Variants in CCDC148 observed in about 807,000 individuals in gnomAD.
The protein encoded by CCDC148 is coiled-coil domain containing 148.
In CCDC148, 89 loss-of-function variants were observed where a neutral mutation model predicts 85.7. The observed-to-expected ratio is 1.04, with a 90% CI of 0.87 to 1.24. CCDC148 has a LOEUF of 1.24. CCDC148 is among the 50% of genes most tolerant of loss of function. CCDC148 has a pLI of 0.00. For missense variants in CCDC148, 692 were observed against 671.7 expected (o/e 1.03, Z -0.33); for synonymous variants, 230 against 213.9 (o/e 1.08, Z -0.66).
At position 158,370,967 on chromosome 2, in the gene CCDC148, G is replaced by A. The variant is rs373965620; in HGVS notation, c.26-12397C>T. ...AATATTTAACACTGGCAATTTCTGG[G>A]TAGTAGGATTATACTTAATTTTGAT... On this transcript the variant is annotated intron_variant, in intron 1 of 13. Transcript: ENST00000283233. Among the ~76,000 whole-genome samples the A allele has an allele frequency of 1.5e-4, 22 of 151,584 alleles. 2 individuals are homozygous for A. The South Asian group carries it at 1.5e-3, about 10-fold the overall frequency.
intron 10 of CCDC148, among the ~76,000 whole-genome samples, chr2:158,242,705 C>T (rs1209040675): frequency 6.7e-6 from 1 of 149,680 alleles, no homozygotes; most frequent in African/African-American, 2.5e-5. Context: ...CCTCTTAGAT[C>T]AACTCCAATA....
chr2:158,339,953 T>G (rs1682590960), intron 5 of CCDC148, among the ~76,000 whole-genome samples: 1 of 152,152 alleles, frequency 6.6e-6, no homozygotes, highest in African/African-American at 2.4e-5. Context: ...CCCCCTGTGC[T>G]GGGGTAAGAT....
At chr2:158,384,473 A>T (rs973013371) in intron 1 of CCDC148, among the ~76,000 whole-genome samples, 1 of 151,944 alleles carries the variant, frequency 6.6e-6, no homozygotes. Context: ...TTCTCATGAG[A>T]TCTGTTTGTT....
At chr2:158,306,333 TAACACAGTGA>T (rs1461426853) in intron 9 of CCDC148, among the ~76,000 whole-genome samples, 1 of 151,944 alleles carries the variant, frequency 6.6e-6, no homozygotes, top group African/African-American at 2.4e-5. Context: ...CCATCCTGAT[TAACACAGTGA>T]AACCCCATCT....
At chr2:158,335,846 G>A (rs932608475) in intron 7 of CCDC148, among the ~76,000 whole-genome samples, 8 of 152,038 alleles carry the variant, frequency 5.3e-5, no homozygotes, top group Non-Finnish European at 1.0e-4. Flanking sequence ...GGAAAATGAG[G>A]TTGCACTGAC....
At chr2:158,419,619 A>C in intron 1 of CCDC148, among the ~76,000 whole-genome samples, 1 of 152,184 alleles carries the variant, frequency 6.6e-6, no homozygotes, top group East Asian at 1.9e-4. Flanking sequence ...AATACTCTAA[A>C]GCACTAAACA....
At chr2:158,214,842 A>G (rs1254491245) in intron 11 of CCDC148, among the ~76,000 whole-genome samples, 1 of 152,214 alleles carries the variant, frequency 6.6e-6, no homozygotes, top group African/African-American at 2.4e-5. Context: ...GCAAAAGTCT[A>G]GAGCTGTAGA....
At chr2:158,353,665 C>T (rs1417256293) in intron 2 of CCDC148, among the ~76,000 whole-genome samples, 1 of 152,110 alleles carries the variant, frequency 6.6e-6, no homozygotes, top group South Asian at 2.1e-4. Flanking sequence ...TTAGACAGAT[C>T]AAGGAGACAG....
chr2:158,205,794 TG>T (rs543769503), intron 11 of CCDC148, among the ~76,000 whole-genome samples: 154 of 152,274 alleles, frequency 1.0e-3, no homozygotes, highest in Non-Finnish European at 1.7e-3. Flanking sequence ...GCTGTCCAGC[TG>T]GTCCAGGCCA....
chr2:158,335,640 C>T (rs1682336243), intron 7 of CCDC148, among the ~76,000 whole-genome samples: 1 of 152,054 alleles, frequency 6.6e-6, no homozygotes, highest in Admixed American at 6.6e-5. Flanking sequence ...TTATTCACTA[C>T]CATGAGAACA....
intron 10 of CCDC148, among the ~76,000 whole-genome samples, chr2:158,230,221 A>G (rs2105312055): frequency 6.6e-6 from 1 of 152,342 alleles, no homozygotes; most frequent in Middle Eastern, 3.4e-3. Flanking sequence ...GACTTTCTAG[A>G]AAGGGAGACA....
intron 7 of CCDC148, among the ~76,000 whole-genome samples, chr2:158,328,477 T>C (rs1692910505): frequency 1.3e-5 from 2 of 152,184 alleles, no homozygotes; most frequent in South Asian, 2.1e-4. Flanking sequence ...TAAACATACG[T>C]GTGCATGTGT....
At chr2:158,330,551 T>C (rs1463169118) in intron 7 of CCDC148, among the ~76,000 whole-genome samples, 3 of 152,322 alleles carry the variant, frequency 2.0e-5, no homozygotes, top group Non-Finnish European at 2.9e-5. Context: ...TTCCCTCTTT[T>C]TCTATTGATT....
chr2:158,384,676 G>C (rs1484895017), intron 1 of CCDC148, among the ~76,000 whole-genome samples: 1 of 152,116 alleles, frequency 6.6e-6, no homozygotes, highest in Non-Finnish European at 1.5e-5. Context: ...CTCTCAAGTA[G>C]GTCTTTATAG....
At chr2:158,330,337 C>T (rs1306183144) in intron 7 of CCDC148, among the ~76,000 whole-genome samples, 2 of 152,174 alleles carry the variant, frequency 1.3e-5, no homozygotes, top group Non-Finnish European at 2.9e-5. Flanking sequence ...TTGAACCAGC[C>T]TTGCATCCCA....
At chr2:158,429,325 T>C (rs893880055) in intron 1 of CCDC148, among the ~76,000 whole-genome samples, 15 of 151,986 alleles carry the variant, frequency 9.9e-5, no homozygotes, top group Non-Finnish European at 1.6e-4. Context: ...TGGTGATCTT[T>C]AATGTCATAG....
chr2:158,448,931 A>G (rs1381642460), intron 1 of CCDC148, among the ~76,000 whole-genome samples: 1 of 151,966 alleles, frequency 6.6e-6, no homozygotes, highest in Non-Finnish European at 1.5e-5. Context: ...AAGTTCAAGC[A>G]ATCCTCCAGC....
intron 1 of CCDC148, among the ~76,000 whole-genome samples, chr2:158,413,039 C>T (rs915071077): frequency 1.3e-5 from 2 of 151,894 alleles, no homozygotes; most frequent in African/African-American, 4.8e-5. Flanking sequence ...CATGTAGCCA[C>T]ATACAAAGGT....
chr2:158,255,233 AC>A (rs1367616301), intron 9 of CCDC148, among the ~76,000 whole-genome samples: 1 of 151,584 alleles, frequency 6.6e-6, no homozygotes, highest in Non-Finnish European at 1.5e-5. Context: ...ATGGTCAGGG[AC>A]CCGTAGAATT....
Sources: allele counts gnomAD v4.1 joint callset (sites outside exome capture counted in the v4.1 genomes callset), GRCh38; gene constraint gnomAD v4.1.1; transcripts MANE v1.5; gene names NCBI Gene and HGNC (gene_info 2026-07-23, HGNC 2026-07-21).